ANXA9: variants seen among roughly 807,000 people sequenced by gnomAD.
ANXA9 encodes annexin A9.
ANXA9 carries 47 observed loss-of-function variants against 51.8 expected under a neutral mutation model. The ratio of observed to expected loss-of-function variants is 0.91; its 90% CI spans 0.72 to 1.16. ANXA9 has a LOEUF of 1.16. ANXA9 is among the 50% of genes most tolerant of loss of function. ANXA9 has a pLI of 0.00. For synonymous variants in ANXA9, 154 were observed against 168.7 expected (o/e 0.91, Z 0.68); for missense variants, 361 against 424.7 (o/e 0.85, Z 1.32).
At chr1:150,992,091 T>C (rs1255107482) in intron 12 of ANXA9, among the ~76,000 whole-genome samples, 1 of 152,104 alleles carries the variant, frequency 6.6e-6, no homozygotes, top group Non-Finnish European at 1.5e-5. Context: ...ATGAGAGATA[T>C]GTAGATATAT....
chr1:150,981,013 C>T (rs76718477), upstream of ANXA9, among the ~76,000 whole-genome samples: 557 of 152,196 alleles, frequency 3.7e-3, 7 homozygotes, highest in African/African-American at 0.013. Context: ...CCCAGGAAAC[C>T]TGTCCTCGGA....
chr1:150,981,924 C>G (rs981853656), upstream of ANXA9: 1 of 152,284 alleles, frequency 6.6e-6, no homozygotes, highest in Non-Finnish European at 1.5e-5. Flanking sequence ...CCTGTCTGAC[C>G]TGCCCCCCAG....
In ANXA9 at chr1:150,992,877, A is replaced by G. The variant is rs116504189; in HGVS notation, c.853-1700A>G. On this transcript the variant is annotated intron_variant, in intron 12 of 13. Transcript: ENST00000368947. ...CCAATTCTGTAACTTTAGAGTAACAAGCGTTGGAAGAAGAGAAGAATGGAT... is the reference window on the plus strand; with the variant it reads ...CCAATTCTGTAACTTTAGAGTAACAGGCGTTGGAAGAAGAGAAGAATGGAT... Among the ~76,000 whole-genome samples, 1,331 of 152,330 alleles carry G rather than the reference A, an allele frequency of 8.7e-3. 11 individuals are homozygous for G. Among genetic ancestry groups the G allele is most frequent in the African/African-American group, 0.03 (1,261 of 41,572 alleles).
chr1:150,986,280 G>A (rs914211525), intron 7 of ANXA9, 56 bp from the exon 8 acceptor site: 2 of 1,532,320 alleles, frequency 1.3e-6, no homozygotes, highest in African/African-American at 2.7e-5. Context: ...AGGTCCTGGG[G>A]ATATCTACAC....
upstream of ANXA9, among the ~76,000 whole-genome samples, chr1:150,981,229 G>A (rs1445190403): frequency 1.3e-5 from 2 of 152,202 alleles, no homozygotes; most frequent in African/African-American, 2.4e-5. Flanking sequence ...CTTTCATGGC[G>A]TGTCCTCCGG....
Position 150,984,031 on chromosome 1 carries a change from C to T in ANXA9, c.229C>T (p.Gln77Ter), listed in dbSNP as rs372750432. 21 of 1,611,522 alleles carry T rather than the reference C, an allele frequency of 1.3e-5. No individual in the cohort carries two copies. Among genetic ancestry groups the T allele is most frequent in the Non-Finnish European group, 1.7e-5 (20 of 1,179,390 alleles). The change falls in exon 5 of 14, where the codon CAG becomes TAG. Residue 77 changes from glutamine to a stop codon, truncating the protein, a stop_gained. Coordinates refer to ENST00000368947, the MANE Select transcript of ANXA9 (RefSeq NM_003568.3). LOFTEE classifies it high-confidence loss of function. ...GACCAACCGGAGCAGAGAGCAAAGG[C>T]AGCTCATCTCACGAAACTTCCAGGA... is the stretch of plus-strand genomic sequence containing the variant. ...VLTNRSREQR[Q>*]LISRNFQERT...
At chr1:150,985,225 AAGAG>A (rs1671524970) in intron 7 of ANXA9, among the ~76,000 whole-genome samples, 1 of 147,688 alleles carries the variant, frequency 6.8e-6, no homozygotes, top group Non-Finnish European at 1.5e-5. Context: ...CACACAAATA[AAGAG>A]AGAGAAGCAA....
intron 3 of ANXA9, 56 bp from the exon 4 acceptor site, chr1:150,983,282 G>A: frequency 5.0e-6 from 8 of 1,602,224 alleles, no homozygotes; most frequent in Non-Finnish European, 6.8e-6. Flanking sequence ...AGGTTATGCT[G>A]AGGAGGTGTA....
chr1:150,984,105 G>T, intron 5 of ANXA9, 36 bp downstream of exon 5: 2 of 1,596,628 alleles, frequency 1.3e-6, no homozygotes, highest in South Asian at 1.1e-5. Flanking sequence ...CAGTGGACTG[G>T]GGTGAGAAAC....
intron 13 of ANXA9, 36 bp downstream of exon 13, chr1:150,994,735 G>GCCTT: frequency 1.2e-6 from 2 of 1,610,696 alleles, no homozygotes; most frequent in Non-Finnish European, 1.7e-6. Context: ...GGAGCCTCAG[G>GCCTT]CCTTCACTCC....
At chr1:150,981,785 G>T (rs3754210), upstream of ANXA9, among the ~76,000 whole-genome samples, 26,926 of 152,220 alleles carry the variant, frequency 0.18, 3,519 homozygotes, top group African/African-American at 0.37. Context: ...ACCTAGGTCA[G>T]CTGGCTCTAG....
chr1:150,987,933 G>A lies in ANXA9; in HGVS notation c.674G>A (p.Arg225Gln), dbSNP rs775255778. 8.1e-6 allele frequency: 13 copies of A among 1,614,080 alleles called. No homozygotes were observed. Among genetic ancestry groups the A allele is most frequent in the Non-Finnish European group, 1.0e-5 (12 of 1,180,008 alleles). Residue 225 changes from arginine to glutamine, a missense_variant, in exon 10 of 14, where the codon CGA (arginine) becomes CAA (glutamine). Coordinates refer to ENST00000368947, the MANE Select transcript of ANXA9 (RefSeq NM_003568.3). ...ACATGGGTCCCAGTCTTCACCCAGCGAAATCCTGAACACCTCATCCGAGGT... is the reference window on the plus strand; with the variant it reads ...ACATGGGTCCCAGTCTTCACCCAGCAAAATCCTGAACACCTCATCCGAGGT... ...EETWVPVFTQ[R>Q]NPEHLIRVFD... is the part of the protein sequence containing the mutation.
Position 150,984,491 on chromosome 1 carries a change from T to G in ANXA9, c.382-95T>G, listed in dbSNP as rs780106256. The G allele has an allele frequency of 1.5e-5, 23 of 1,526,350 alleles. No homozygotes were observed. The South Asian group carries it at 2.6e-4, about 17-fold the overall frequency. The allele number at this position is 1,526,350 out of a possible 1,614,324, so 94.6% of individuals were successfully genotyped here. A position where few individuals can be genotyped will look rare whatever the true frequency, so the allele number is the denominator to read the frequency against. ...AGAGTCCCCCTCTCGTCGTCCCATA[T>G]TGTTTCTTAGAAGGAGAAGCAGCCA... On this transcript the variant is annotated intron_variant, in intron 6 of 13. Coordinates refer to ENST00000368947, the MANE Select transcript of ANXA9 (RefSeq NM_003568.3).
upstream of ANXA9, among the ~76,000 whole-genome samples, chr1:150,978,961 C>A (rs1671375091): frequency 3.3e-5 from 5 of 151,336 alleles, no homozygotes; most frequent in Admixed American, 3.3e-4. Context: ...GAGACTCTGT[C>A]TCAAAAAAAA....
At chr1:150,983,615 G>A (rs1671474817) in intron 4 of ANXA9, among the ~76,000 whole-genome samples, 181 bp downstream of exon 4, 1 of 152,182 alleles carries the variant, frequency 6.6e-6, no homozygotes, top group Non-Finnish European at 1.5e-5. Context: ...TGTGAGGCAA[G>A]GCTTATTATT....
intron 2 of ANXA9, 85 bp downstream of exon 2, chr1:150,982,668 C>T (rs952011997): frequency 6.2e-6 from 1 of 161,298 alleles, no homozygotes; most frequent in Non-Finnish European, 1.4e-5. Flanking sequence ...AGTTGTCTTC[C>T]ACTCTGCGTG....
At chr1:150,995,180 G>A (rs759535405) in intron 13 of ANXA9, 80 bp from the exon 14 acceptor site, 1 of 1,434,388 alleles carries the variant, frequency 7.0e-7, no homozygotes, top group Non-Finnish European at 9.6e-7. Context: ...AACTGTGATG[G>A]ACCAGCCCAA....
Position 150,995,627 on chromosome 1 carries a change from T to C in ANXA9, c.*305T>C. 3.5e-6 allele frequency: 1 copy of C among 281,928 alleles called. No individual in the cohort carries two copies. The highest frequency in any genetic ancestry group is 6.6e-6 in the Non-Finnish European group (1 of 150,730). 17.5% of individuals were successfully genotyped at this position (281,928 alleles called of 1,614,324 possible). A position where few individuals can be genotyped will look rare whatever the true frequency, so the allele number is the denominator to read the frequency against. On this transcript the variant is annotated 3_prime_UTR_variant, in exon 14 of 14. Transcript: ENST00000368947. ...ACATCTCACTGATACTCGAATTCTT[T>C]TGGCAAACTTCGCTGTTGTTTGTGT... is the stretch of plus-strand genomic sequence containing the variant.
intron 13 of ANXA9, 53 bp downstream of exon 13, chr1:150,994,752 C>A: frequency 6.2e-7 from 1 of 1,605,116 alleles, no homozygotes; most frequent in South Asian, 1.1e-5. Flanking sequence ...CTCCTCACCT[C>A]CACCCTCACT....
Sources: gnomAD v4.1 joint callset for allele counts (sites outside exome capture counted in the v4.1 genomes callset) on GRCh38, gnomAD v4.1.1 for gene constraint, MANE v1.5 for transcripts, NCBI Gene and HGNC (gene_info 2026-07-23, HGNC 2026-07-21) for gene names.